The following PASD1 variants were observed in gnomAD, a reference collection of about 807,000 sequenced individuals.
PASD1 encodes the protein circadian clock protein PASD1.
In PASD1, 13 loss-of-function variants were observed where a neutral mutation model predicts 58.8. That is an observed-to-expected ratio of 0.22 (90% CI 0.14 to 0.35). The LOEUF (loss-of-function observed/expected upper bound fraction) is 0.35. PASD1 is among the 10% of genes least tolerant of loss of function. The pLI is 1.00. For missense variants in PASD1, 734 were observed against 568.3 expected, an observed-to-expected ratio of 1.29 and a Z score of -2.96; for synonymous variants, 236 against 216.7, an observed-to-expected ratio of 1.09 and a Z score of -0.78.
rs753296675 is a variant in PASD1 at position 151,672,380 on chromosome X, G to A, written c.1635G>A (p.Glu545=). The part of the protein sequence containing the change: ...QRRQKKKKLQ[E]RKKWQGQMLQ... ...GGCAAAAGAAGAAGAAGCTACAGGA[G>A]CGGAAGAAGTGGCAGGGGCAGATGC... The change falls in exon 14 of 16, where the codon GAG becomes GAA. Residue 545 remains glutamate, a synonymous_variant. Coordinates refer to ENST00000370357, the MANE Select transcript of PASD1 (RefSeq NM_173493.3). 18 of 1,205,179 alleles carry A rather than the reference G, an allele frequency of 1.5e-5. No individual in the cohort carries two copies. Among genetic ancestry groups the A allele is most frequent in the Non-Finnish European group, 1.9e-5 (17 of 892,531 alleles).
rs149748353 is a variant in PASD1, at chrX:151,639,660, C to G, written c.630-8955C>G. Among the ~76,000 whole-genome samples the G allele has an allele frequency of 1.3e-3, 141 of 111,853 alleles. 1 individual carries two copies. The highest frequency in any genetic ancestry group is 4.3e-3 in the African/African-American group (134 of 30,844). Reference sequence around the variant, plus strand: ...GCTCTTCCTCCCTGCTTTCTACTCTCGTACTGACACTCTCCACTTTGCCTT... The same window carrying G: ...GCTCTTCCTCCCTGCTTTCTACTCTGGTACTGACACTCTCCACTTTGCCTT... On this transcript the variant is annotated intron_variant, in intron 8 of 15. Coordinates refer to ENST00000370357, the MANE Select transcript of PASD1 (RefSeq NM_173493.3).
At chrX:151,667,936 A>C (rs2014406488) in intron 11 of PASD1, among the ~76,000 whole-genome samples, 1 of 111,676 alleles carries the variant, frequency 9.0e-6, no homozygotes, top group Non-Finnish European at 1.9e-5. Context: ...TGGTAGCTTG[A>C]TGGGGACGGC....
At chrX:151,674,827 C>T (rs1022857413) in intron 15 of PASD1, among the ~76,000 whole-genome samples, 22 of 107,973 alleles carry the variant, frequency 2.0e-4, no homozygotes, top group African/African-American at 7.4e-4. Context: ...ATAGCCTAAC[C>T]TTTTTTTTTT....
chrX:151,595,215 G>T (rs2013303443), intron 1 of PASD1, among the ~76,000 whole-genome samples: 1 of 110,755 alleles, frequency 9.0e-6, no homozygotes, highest in African/African-American at 3.3e-5. Flanking sequence ...AAATATTTTT[G>T]CCTCCCTCTT....
At chrX:151,577,633 T>G (rs1196130550) in intron 1 of PASD1, among the ~76,000 whole-genome samples, 1 of 111,950 alleles carries the variant, frequency 8.9e-6, no homozygotes, top group Non-Finnish European at 1.9e-5. Flanking sequence ...CAAGTGATTC[T>G]CCTGCCTCAG....
intron 9 of PASD1, among the ~76,000 whole-genome samples, chrX:151,652,394 G>A (rs1164674703): frequency 3.6e-5 from 4 of 110,154 alleles, no homozygotes; most frequent in African/African-American, 9.9e-5. Context: ...TTAGCCAGGC[G>A]TGGTGGCACA....
chrX:151,613,505 T>C (rs2013595616), intron 4 of PASD1, among the ~76,000 whole-genome samples: 1 of 109,485 alleles, frequency 9.1e-6, no homozygotes, highest in African/African-American at 3.4e-5. Flanking sequence ...GAGCAGTGGT[T>C]TGTAGTTCTC....
intron 8 of PASD1, among the ~76,000 whole-genome samples, 187 bp from the exon 9 acceptor site, chrX:151,648,427 AT>A (rs1164239128): frequency 1.9e-3 from 205 of 105,979 alleles, no homozygotes; most frequent in Middle Eastern, 5.0e-3. Flanking sequence ...GGTCCAGATG[AT>A]TTTTTTTTTT....
intron 2 of PASD1, among the ~76,000 whole-genome samples, chrX:151,602,756 C>T (rs183785147): frequency 1.8e-5 from 2 of 110,955 alleles, no homozygotes; most frequent in East Asian, 5.6e-4. Flanking sequence ...ATGTTTTACT[C>T]AGCATAAAAT....
chrX:151,676,201 T>C lies in PASD1; in HGVS notation c.*58T>C. Reference sequence around the variant, plus strand: ...GGGGGGAGGGGGCAGGCCAATGAGGTCTGCATGGCCAGGGGACCTTCAAGG... The same window carrying C: ...GGGGGGAGGGGGCAGGCCAATGAGGCCTGCATGGCCAGGGGACCTTCAAGG... On this transcript the variant is annotated 3_prime_UTR_variant, in exon 16 of 16. Coordinates refer to ENST00000370357, the MANE Select transcript of PASD1 (RefSeq NM_173493.3). The C allele has an allele frequency of 9.0e-7, 1 of 1,111,933 alleles. No individual in the cohort carries two copies. 91.6% of individuals were successfully genotyped at this position (1,111,933 alleles called of 1,213,427 possible). A position where few individuals can be genotyped will look rare whatever the true frequency, so the allele number is the denominator to read the frequency against.
At chrX:151,613,065 T>C (rs944477604) in intron 4 of PASD1, among the ~76,000 whole-genome samples, 1 of 112,244 alleles carries the variant, frequency 8.9e-6, no homozygotes, top group African/African-American at 3.2e-5. Context: ...CACCATTTGT[T>C]AAATAGAGAA....
intron 1 of PASD1, among the ~76,000 whole-genome samples, chrX:151,565,810 C>T (rs1010228134): frequency 9.0e-5 from 10 of 111,506 alleles, no homozygotes; most frequent in Admixed American, 1.9e-4. Flanking sequence ...CGCCCGCCTT[C>T]GCCTCCCAAA....
At chrX:151,668,849 C>G (rs1489071708) in intron 11 of PASD1, among the ~76,000 whole-genome samples, 13 of 107,866 alleles carry the variant, frequency 1.2e-4, no homozygotes, top group Admixed American at 3.0e-4. Context: ...TCCTACCTAA[C>G]TCGTTTTATG....
At chrX:151,604,364 A>C (rs2013459007) in intron 2 of PASD1, among the ~76,000 whole-genome samples, 1 of 111,718 alleles carries the variant, frequency 9.0e-6, no homozygotes, top group Admixed American at 9.5e-5. Flanking sequence ...GAGGAAAAAA[A>C]GAACTAGAAG....
intron 1 of PASD1, among the ~76,000 whole-genome samples, chrX:151,567,996 AT>A (rs1326175730): frequency 8.9e-6 from 1 of 112,082 alleles, no homozygotes; most frequent in Non-Finnish European, 1.9e-5. Context: ...AAGTTCTGGG[AT>A]TACAGGTGTG....
chrX:151,619,083 A>G (rs753240478), intron 4 of PASD1, among the ~76,000 whole-genome samples: 4 of 111,299 alleles, frequency 3.6e-5, no homozygotes, highest in Non-Finnish European at 5.7e-5. Flanking sequence ...CAGGGAGAGC[A>G]GTTACGGCTA....
chrX:151,664,031 G>A, intron 10 of PASD1, 88 bp from the exon 11 acceptor site: 6 of 1,147,324 alleles, frequency 5.2e-6, no homozygotes, highest in Non-Finnish European at 7.0e-6. Flanking sequence ...TCCTTAACAT[G>A]GGCTAAAATG....
chrX:151,661,181 A>C (rs2014305103), intron 10 of PASD1, among the ~76,000 whole-genome samples: 1 of 112,070 alleles, frequency 8.9e-6, no homozygotes, highest in African/African-American at 3.2e-5. Context: ...AATATGCTAA[A>C]ATGATTTGGA....
chrX:151,673,737 C>T (rs2014507295), intron 14 of PASD1, 191 bp from the exon 15 acceptor site: 6 of 470,189 alleles, frequency 1.3e-5, no homozygotes, highest in Non-Finnish European at 2.2e-5. Context: ...TAATTTCTCT[C>T]AGTGTCTACA....
Sources: gnomAD v4.1 joint callset for allele counts (sites outside exome capture counted in the v4.1 genomes callset) on GRCh38, gnomAD v4.1.1 for gene constraint, MANE v1.5 for transcripts, NCBI Gene and HGNC (gene_info 2026-07-23, HGNC 2026-07-21) for gene names.